Variants in NCSTN observed in about 807,000 individuals in gnomAD.
NCSTN encodes the protein nicastrin, also known as anterior pharynx-defective 2.
Under a neutral mutation model 87.0 loss-of-function variants are expected in NCSTN, and 22 were observed. The observed-to-expected ratio is 0.25, with a 90% CI of 0.18 to 0.36. The LOEUF (loss-of-function observed/expected upper bound fraction) is 0.36. Ranked by LOEUF, NCSTN falls within the 10% of genes least tolerant of loss-of-function variation. The pLI, the probability that NCSTN is intolerant of heterozygous loss-of-function variation, is 1.00. For synonymous variants in NCSTN, 306 were observed against 327.1 expected, an observed-to-expected ratio of 0.94 and a Z score of 0.69; for missense variants, 693 against 883.3, an observed-to-expected ratio of 0.78 and a Z score of 2.73.
intron 2 of NCSTN, among the ~76,000 whole-genome samples, chr1:160,345,997 G>A (rs1648469751): frequency 6.9e-6 from 1 of 144,520 alleles, no homozygotes; most frequent in Non-Finnish European, 1.5e-5. Flanking sequence ...AATTAGTGAA[G>A]CATTCTATTT....
chr1:160,350,097 C>T lies in NCSTN; in HGVS notation c.437-8C>T. The T allele has an allele frequency of 6.2e-7, 1 of 1,613,834 alleles. No homozygotes were observed. The highest frequency in any genetic ancestry group is 8.5e-7 in the Non-Finnish European group (1 of 1,179,736). Reference sequence around the variant, plus strand: ...ACCAGTCCCCCTATTCCCCATCCTTCCCTTCAGGTGTTTACTCCAATTCCT... The same window carrying T: ...ACCAGTCCCCCTATTCCCCATCCTTTCCTTCAGGTGTTTACTCCAATTCCT... On this transcript the variant is annotated splice_region_variant and splice_polypyrimidine_tract_variant and intron_variant, in intron 4 of 16. Coordinates refer to ENST00000294785, the MANE Select transcript of NCSTN (RefSeq NM_015331.3).
intron 5 of NCSTN, among the ~76,000 whole-genome samples, chr1:160,350,576 C>T (rs556181934): frequency 1.3e-5 from 2 of 152,068 alleles, no homozygotes; most frequent in Non-Finnish European, 2.9e-5. Context: ...GTTCTTCTCA[C>T]ATTCTTTCCC....
At chr1:160,357,548 G>T (rs1649191320) in intron 16 of NCSTN, among the ~76,000 whole-genome samples, 1 of 152,184 alleles carries the variant, frequency 6.6e-6, no homozygotes, top group Admixed American at 6.5e-5. Context: ...GGGATTACAG[G>T]CATGTGTCAC....
intron 5 of NCSTN, 88 bp from the exon 6 acceptor site, chr1:160,351,134 A>AGGAT: frequency 7.2e-7 from 1 of 1,384,848 alleles, no homozygotes; most frequent in South Asian, 1.2e-5. Flanking sequence ...CCATCCCAAA[A>AGGAT]GGATGGAACT....
chr1:160,345,121 T>C, intron 2 of NCSTN: 1 of 472,598 alleles, frequency 2.1e-6, no homozygotes, highest in Non-Finnish European at 3.9e-6. Flanking sequence ...TTAAAGAAGT[T>C]GAGTAACTTT....
chr1:160,357,735 T>C (rs1380691966), intron 16 of NCSTN, among the ~76,000 whole-genome samples: 1 of 152,146 alleles, frequency 6.6e-6, no homozygotes, highest in Non-Finnish European at 1.5e-5. Flanking sequence ...ATAGTTTGAG[T>C]AGGTGTTCAT....
intron 11 of NCSTN, 134 bp downstream of exon 11, chr1:160,354,424 C>T (rs1649030749): frequency 2.0e-6 from 2 of 996,640 alleles, no homozygotes; most frequent in Non-Finnish European, 3.1e-6. Flanking sequence ...ATTCTTTGCT[C>T]AGTGGCGTTT....
At chr1:160,353,073 A>ACC in intron 9 of NCSTN, 82 bp downstream of exon 9, 1 of 1,577,656 alleles carries the variant, frequency 6.3e-7, no homozygotes, top group Non-Finnish European at 8.7e-7. Context: ...TGCAGGAACC[A>ACC]CCGCCTCTTC....
At chr1:160,351,036 T>G (rs1423109416) in intron 5 of NCSTN, among the ~76,000 whole-genome samples, 186 bp from the exon 6 acceptor site, 1 of 152,216 alleles carries the variant, frequency 6.6e-6, no homozygotes, top group Non-Finnish European at 1.5e-5. Flanking sequence ...TAACTCTTGA[T>G]GAGTTTTTTT....
At chr1:160,345,112 T>TA (rs1035897606) in intron 2 of NCSTN, 1 of 492,766 alleles carries the variant, frequency 2.0e-6, no homozygotes, top group Non-Finnish European at 3.7e-6. Flanking sequence ...AACTAAAACT[T>TA]AAAGAAGTTG....
At position 160,352,773 on chromosome 1, in the gene NCSTN, T is replaced by C. The variant is rs576235950; in HGVS notation, c.997-114T>C. The C allele has an allele frequency of 1.0e-5, 8 of 803,188 alleles. No individual in the cohort carries two copies. The East Asian group carries it at 2.1e-4, about 21-fold the overall frequency. 49.8% of individuals were successfully genotyped at this position (803,188 alleles called of 1,614,324 possible). On this transcript the variant is annotated intron_variant, in intron 8 of 16. Coordinates refer to ENST00000294785, the MANE Select transcript of NCSTN (RefSeq NM_015331.3). ...ACATGACTGTAAGCTGACTAGCAGT[T>C]GAGGTGACCTGAGATAGTCGTCTTA...
chr1:160,343,469 G>T lies in NCSTN; in HGVS notation c.73G>T (p.Val25Phe). 1 of 1,609,930 alleles carries T rather than the reference G, an allele frequency of 6.2e-7. No individual in the cohort carries two copies. The highest frequency in any genetic ancestry group is 8.5e-7 in the Non-Finnish European group (1 of 1,178,682). ...RGLLRLLSFCVLLAGLCRGNS... is the reference protein window; with the variant it reads ...RGLLRLLSFCFLLAGLCRGNS... ...TCTCCTTCGCCTTCTGTCTTTCTGC[G>T]TCCTACTAGCAGGTGAGGCCTCCCC... The change falls in exon 1 of 17, where the codon GTC becomes TTC. Residue 25 changes from valine (V) to phenylalanine (F), a missense_variant. Coordinates refer to ENST00000294785, the MANE Select transcript of NCSTN (RefSeq NM_015331.3).
At chr1:160,357,294 A>C in intron 16 of NCSTN, 41 bp downstream of exon 16, 1 of 1,549,888 alleles carries the variant, frequency 6.5e-7, no homozygotes, top group Non-Finnish European at 8.8e-7. Flanking sequence ...GATCTGTTTG[A>C]CTTCTTTCTC....
At chr1:160,349,165 A>G in intron 3 of NCSTN, 43 bp downstream of exon 3, 4 of 1,612,154 alleles carry the variant, frequency 2.5e-6, no homozygotes, top group Middle Eastern at 1.7e-4. Context: ...CCATAGAGGG[A>G]AAGTTTCAGT....
At position 160,358,194 on chromosome 1, in the gene NCSTN, A is replaced by T; in HGVS notation, c.2053A>T (p.Ile685Phe). The T allele has an allele frequency of 6.2e-7, 1 of 1,614,054 alleles. No homozygotes were observed. Among genetic ancestry groups the T allele is most frequent in the South Asian group, 1.1e-5 (1 of 91,070 alleles). Residue 685 changes from isoleucine to phenylalanine, a missense_variant, in exon 17 of 17, where the codon ATC (isoleucine) becomes TTC (phenylalanine). Physicochemically the swap from Ile to Phe is conservative, Grantham distance 21. Transcript: ENST00000294785. ...VGFGILIFSL[I>F]VTYCINAKAD... Reference sequence around the variant, plus strand: ...CTTCGGCATCCTCATCTTCTCCCTCATCGTCACCTACTGCATCAATGCCAA... The same window carrying T: ...CTTCGGCATCCTCATCTTCTCCCTCTTCGTCACCTACTGCATCAATGCCAA...
intron 13 of NCSTN, 105 bp downstream of exon 13, chr1:160,356,063 T>C: frequency 8.4e-7 from 1 of 1,188,460 alleles, no homozygotes; most frequent in Non-Finnish European, 1.2e-6. Context: ...TGACTGTTGA[T>C]GCCGGTGAGA....
intron 2 of NCSTN, 115 bp from the exon 3 acceptor site, chr1:160,348,884 A>G (rs1648670858): frequency 1.4e-6 from 2 of 1,463,038 alleles, no homozygotes; most frequent in African/African-American, 1.4e-5. Flanking sequence ...AGGTGCCTGT[A>G]TTCACCCAAA....
chr1:160,351,920 G>T (rs1648870426), intron 7 of NCSTN, 115 bp downstream of exon 7: 1 of 1,463,796 alleles, frequency 6.8e-7, no homozygotes, highest in Non-Finnish European at 9.6e-7. Flanking sequence ...AAATGGGGAG[G>T]AATCTGGGCT....
At chr1:160,350,566 G>A (rs1041064) in intron 5 of NCSTN, among the ~76,000 whole-genome samples, 83,704 of 151,532 alleles carry the variant, frequency 0.55, 25,270 homozygotes, top group African/African-American at 0.81. Flanking sequence ...CAAGACGTTA[G>A]TTCTTCTCAC....
Sources: allele counts gnomAD v4.1 joint callset (sites outside exome capture counted in the v4.1 genomes callset), GRCh38; gene constraint gnomAD v4.1.1; transcripts MANE v1.5; gene names NCBI Gene and HGNC (gene_info 2026-07-23, HGNC 2026-07-21).